The following CDH7 variants were observed in gnomAD, a reference collection of about 807,000 sequenced individuals.
The protein encoded by CDH7 is cadherin-7.
Under a neutral mutation model 71.8 loss-of-function variants are expected in CDH7, and 25 were observed. The ratio of observed to expected loss-of-function variants is 0.35; its 90% CI spans 0.25 to 0.49. The LOEUF (loss-of-function observed/expected upper bound fraction) is 0.49, where lower values mean the gene tolerates loss of function less well. Ranked by LOEUF, CDH7 falls within the 20% of genes least tolerant of loss-of-function variation. CDH7 has a pLI of 0.99. For synonymous variants in CDH7, 381 were observed against 363.8 expected (o/e 1.05, Z -0.54); for missense variants, 862 against 974.6 (o/e 0.88, Z 1.54).
At position 65,888,080 on chromosome 18, in the gene CDH7, G is replaced by A. The variant is rs868789489; in HGVS notation, c.*7186G>A. 2.0e-5 allele frequency: 3 copies of A among 152,136 alleles called. No homozygotes were observed. Among genetic ancestry groups the A allele is most frequent in the African/African-American group, 7.2e-5 (3 of 41,432 alleles). 9.4% of individuals were successfully genotyped at this position (152,136 alleles called of 1,614,324 possible). A position where few individuals can be genotyped will look rare whatever the true frequency, so the allele number is the denominator to read the frequency against. ...TGAGACATGAAGCATAAAACCTGGGGTCAGGATGTATGTCCAAACTGAATA... is the reference window on the plus strand; with the variant it reads ...TGAGACATGAAGCATAAAACCTGGGATCAGGATGTATGTCCAAACTGAATA... On this transcript the variant is annotated 3_prime_UTR_variant, in exon 12 of 12. Coordinates refer to ENST00000397968, the MANE Select transcript of CDH7 (RefSeq NM_004361.5).
intron 2 of CDH7, among the ~76,000 whole-genome samples, chr18:65,794,220 T>A (rs560024762): frequency 6.6e-6 from 1 of 152,018 alleles, no homozygotes; most frequent in South Asian, 2.1e-4. Context: ...TACATTACAG[T>A]CAATGAGACC....
intron 4 of CDH7, among the ~76,000 whole-genome samples, chr18:65,815,504 A>C (rs1351176340): frequency 5.3e-4 from 81 of 152,218 alleles, no homozygotes; most frequent in Admixed American, 5.3e-3. Flanking sequence ...TTCCATGTTT[A>C]CCAAAAGGGC....
chr18:65,889,263 T>A lies in CDH7; in HGVS notation c.*8369T>A, dbSNP rs1914448244. ...AAATCCCAACAACCCTTCCACCTTT[T>A]CCAAAAAGAAAAAAAAGAAAGAAAA... On this transcript the variant is annotated 3_prime_UTR_variant, in exon 12 of 12. Coordinates refer to ENST00000397968, the MANE Select transcript of CDH7 (RefSeq NM_004361.5). The A allele has an allele frequency of 6.6e-6, 1 of 151,994 alleles. No individual in the cohort carries two copies. Among genetic ancestry groups the A allele is most frequent in the Non-Finnish European group, 1.5e-5 (1 of 68,008 alleles). The allele number at this position is 151,994 out of a possible 1,614,324, so 9.4% of individuals were successfully genotyped here.
intron 6 of CDH7, among the ~76,000 whole-genome samples, chr18:65,832,771 C>T (rs1411616744): frequency 6.6e-6 from 1 of 152,020 alleles, no homozygotes; most frequent in African/African-American, 2.4e-5. Flanking sequence ...CATTTGCTAT[C>T]ATAACTTAAA....
chr18:65,829,221 G>C (rs530447869), intron 6 of CDH7, among the ~76,000 whole-genome samples: 2 of 151,830 alleles, frequency 1.3e-5, no homozygotes, highest in African/African-American at 4.8e-5. Context: ...CCGGGTTCAC[G>C]CCATTCTCCT....
chr18:65,853,916 T>TATATATATATATATCC (rs1568221015), intron 7 of CDH7, among the ~76,000 whole-genome samples: 3 of 59,946 alleles, frequency 5.0e-5, no homozygotes, highest in African/African-American at 3.1e-4. Flanking sequence ...CATATATATA[T>TATATATATATATATCC]ATATATATAT....
At chr18:65,785,746 A>G (rs1272563515) in intron 2 of CDH7, among the ~76,000 whole-genome samples, 2 of 152,140 alleles carry the variant, frequency 1.3e-5, no homozygotes, top group African/African-American at 2.4e-5. Context: ...TCTGATTTTG[A>G]TATTGCCAAA....
At chr18:65,837,751 A>G (rs1236132898) in intron 6 of CDH7, among the ~76,000 whole-genome samples, 2 of 152,144 alleles carry the variant, frequency 1.3e-5, no homozygotes, top group Non-Finnish European at 2.9e-5. Flanking sequence ...ATAAGAAAAT[A>G]GAAACGACAG....
chr18:65,832,275 C>T (rs559629746), intron 6 of CDH7, among the ~76,000 whole-genome samples: 27 of 151,736 alleles, frequency 1.8e-4, no homozygotes, highest in African/African-American at 5.6e-4. Flanking sequence ...TTGTATTTTG[C>T]TACATTTGAA....
chr18:65,813,797 G>C (rs1037950881), intron 3 of CDH7, among the ~76,000 whole-genome samples: 1 of 152,012 alleles, frequency 6.6e-6, no homozygotes, highest in Non-Finnish European at 1.5e-5. Context: ...AGTAAATGAA[G>C]AAAGAATATA....
chr18:65,776,681 C>G (rs190901454), intron 2 of CDH7, among the ~76,000 whole-genome samples: 1 of 152,082 alleles, frequency 6.6e-6, no homozygotes, highest in African/African-American at 2.4e-5. Context: ...ATTGAATCAT[C>G]GAATTCATTG....
At chr18:65,818,122 T>C (rs1358877938) in intron 4 of CDH7, among the ~76,000 whole-genome samples, 1 of 152,190 alleles carries the variant, frequency 6.6e-6, no homozygotes, top group African/African-American at 2.4e-5. Flanking sequence ...ATTTTTAAAA[T>C]ATAATGCGGT....
chr18:65,824,504 T>C (rs1912051733), intron 5 of CDH7, 140 bp from the exon 6 acceptor site: 1 of 469,868 alleles, frequency 2.1e-6, no homozygotes, highest in African/African-American at 2.0e-5. Flanking sequence ...AACTCATCTT[T>C]TGTTTTCCAT....
chr18:65,862,324 T>G (rs1913593278), intron 10 of CDH7, among the ~76,000 whole-genome samples: 1 of 152,202 alleles, frequency 6.6e-6, no homozygotes, highest in Admixed American at 6.5e-5. Context: ...GTACCATCCT[T>G]TCTATAAGTT....
chr18:65,858,921 T>C lies in CDH7; in HGVS notation c.1373-4T>C, dbSNP rs779529611. The C allele has an allele frequency of 3.7e-6, 6 of 1,611,210 alleles. No individual in the cohort carries two copies. The South Asian group carries it at 6.6e-5, about 18-fold the overall frequency. ...AAATGATAAGACACTGTCTTATTTA[T>C]TAGAGAATCCATCTCAAGTAGGAAG... On this transcript the variant is annotated splice_polypyrimidine_tract_variant and splice_region_variant and intron_variant, in intron 8 of 11. Transcript: ENST00000397968.
Position 65,854,784 on chromosome 18 carries a change from C to A in CDH7, c.1236-3032C>A, listed in dbSNP as rs1913289532. Among the ~76,000 whole-genome samples, 4 of 152,140 alleles carry A rather than the reference C, an allele frequency of 2.6e-5. No individual in the cohort carries two copies. The South Asian group carries it at 8.3e-4, about 32-fold the overall frequency. On this transcript the variant is annotated intron_variant, in intron 7 of 11. Coordinates refer to ENST00000397968, the MANE Select transcript of CDH7 (RefSeq NM_004361.5). ...GATGCATGAATGTATGGGTTATAAT[C>A]TCATTAAGTTATAATCCTCTTATCA...
At chr18:65,828,509 T>A (rs554567787) in intron 6 of CDH7, among the ~76,000 whole-genome samples, 1 of 152,170 alleles carries the variant, frequency 6.6e-6, no homozygotes, top group East Asian at 1.9e-4. Flanking sequence ...TGAGAAAAAA[T>A]TGGTATGTAT....
At chr18:65,806,784 C>G (rs762086565) in intron 2 of CDH7, among the ~76,000 whole-genome samples, 15 of 152,204 alleles carry the variant, frequency 9.9e-5, no homozygotes, top group Non-Finnish European at 1.8e-4. Context: ...TCTTTTTCAT[C>G]AAGGAGAGAG....
chr18:65,875,886 A>G (rs1386259924), intron 11 of CDH7, among the ~76,000 whole-genome samples: 1 of 152,156 alleles, frequency 6.6e-6, no homozygotes, highest in African/African-American at 2.4e-5. Context: ...CTGAGATCCT[A>G]CCGCTGCACT....
Sources: gnomAD v4.1 joint callset for allele counts (sites outside exome capture counted in the v4.1 genomes callset) on GRCh38, gnomAD v4.1.1 for gene constraint, MANE v1.5 for transcripts, NCBI Gene and HGNC (gene_info 2026-07-23, HGNC 2026-07-21) for gene names.